Variants in SPOCK3 observed in about 807,000 individuals in gnomAD.
SPOCK3 encodes testican-3.
Under a neutral mutation model 56.6 loss-of-function variants are expected in SPOCK3, and 30 were observed. The observed-to-expected ratio is 0.53, with a 90% CI of 0.40 to 0.72. SPOCK3 has a LOEUF of 0.72. Among genes scored for constraint, SPOCK3 ranks in the 30% least tolerant of loss-of-function variants. SPOCK3 has a pLI of 0.00. For synonymous variants in SPOCK3, 196 were observed against 183.3 expected (o/e 1.07, Z -0.56); for missense variants, 527 against 530.0 (o/e 0.99, Z 0.06).
chr4:166,813,884 A>C (rs759876206), intron 6 of SPOCK3, among the ~76,000 whole-genome samples: 3 of 152,096 alleles, frequency 2.0e-5, no homozygotes, highest in Non-Finnish European at 4.4e-5. Context: ...TGAGGCACTA[A>C]GGAGGATAAG....
chr4:166,831,339 G>A (rs578018874), intron 6 of SPOCK3, among the ~76,000 whole-genome samples: 1 of 152,236 alleles, frequency 6.6e-6, no homozygotes, highest in South Asian at 2.1e-4. Context: ...CAAATTTGGG[G>A]TAGAAACTGG....
At chr4:167,071,453 A>G (rs1176455455) in intron 2 of SPOCK3, among the ~76,000 whole-genome samples, 1 of 146,600 alleles carries the variant, frequency 6.8e-6, no homozygotes, top group Non-Finnish European at 1.5e-5. Flanking sequence ...ATGTGTTCTC[A>G]TTGTTCAATT....
intron 4 of SPOCK3, among the ~76,000 whole-genome samples, chr4:166,914,844 T>C (rs1014951927): frequency 1.3e-5 from 2 of 152,228 alleles, no homozygotes; most frequent in Admixed American, 1.3e-4. Context: ...AATTGTAATG[T>C]ACTTGTAAAA....
Position 166,919,436 on chromosome 4 carries a change from C to G in SPOCK3, c.351-6693G>C, listed in dbSNP as rs144340491. 3.9e-3 allele frequency among the ~76,000 whole-genome samples: 593 copies of G among 152,224 alleles called. 4 individuals are homozygous for G. The highest frequency in any genetic ancestry group is 0.014 in the African/African-American group (579 of 41,548). ...TGGGCATATTCATAATTACTGAAGG[C>G]ATCAATAAACTCTTTCAAAATTTCA... On this transcript the variant is annotated intron_variant, in intron 4 of 10. Coordinates refer to ENST00000357545, the MANE Select transcript of SPOCK3 (RefSeq NM_001040159.2).
intron 2 of SPOCK3, among the ~76,000 whole-genome samples, chr4:167,136,605 T>C (rs986339310): frequency 6.6e-6 from 1 of 152,194 alleles, no homozygotes; most frequent in Non-Finnish European, 1.5e-5. Flanking sequence ...CTGATTATTG[T>C]TGCAGTTTAT....
chr4:167,223,922 C>G (rs535963437), intron 2 of SPOCK3, among the ~76,000 whole-genome samples: 126 of 152,106 alleles, frequency 8.3e-4, no homozygotes, highest in African/African-American at 2.8e-3. Flanking sequence ...ATTTTTAGTA[C>G]TTACCTCATT....
chr4:167,099,048 T>A (rs1290328769), intron 2 of SPOCK3, among the ~76,000 whole-genome samples: 4 of 152,040 alleles, frequency 2.6e-5, no homozygotes, highest in Admixed American at 1.3e-4. Context: ...GGGCACCAAG[T>A]ACAGTAAGTC....
intron 6 of SPOCK3, among the ~76,000 whole-genome samples, chr4:166,862,376 A>C (rs1560944794): frequency 6.6e-6 from 1 of 152,094 alleles, no homozygotes; most frequent in Non-Finnish European, 1.5e-5. Flanking sequence ...TAGCAAATTG[A>C]ATAAAAAGTA....
At chr4:166,921,323 ATTT>A (rs746455090) in intron 4 of SPOCK3, among the ~76,000 whole-genome samples, 5 of 138,202 alleles carry the variant, frequency 3.6e-5, no homozygotes, top group African/African-American at 7.9e-5. Context: ...CATGTGTTGA[ATTT>A]TTTTTTTTTT....
intron 2 of SPOCK3, among the ~76,000 whole-genome samples, chr4:167,233,326 T>C (rs1197667436): frequency 2.6e-5 from 4 of 152,164 alleles, no homozygotes; most frequent in Admixed American, 2.6e-4. Context: ...TCACCTGCAA[T>C]CCTCCCGCCC....
chr4:167,058,136 G>A (rs1755117203), intron 3 of SPOCK3, among the ~76,000 whole-genome samples: 1 of 152,128 alleles, frequency 6.6e-6, no homozygotes, highest in South Asian at 2.1e-4. Context: ...CATAGTGTTG[G>A]AAGTTCTGGC....
At position 166,876,568 on chromosome 4, in the gene SPOCK3, T is replaced by C. The variant is rs1256267080; in HGVS notation, c.589+12562A>G. 5.3e-5 allele frequency among the ~76,000 whole-genome samples: 8 copies of C among 152,180 alleles called. No homozygotes were observed. The East Asian group carries it at 1.4e-3, about 26-fold the overall frequency. ...AATGTTGAATAGATGATCCATCAGG[T>C]CTTGGCATTCTAGTTTTATTGGCAC... On this transcript the variant is annotated intron_variant, in intron 6 of 10. Transcript: ENST00000357545.
chr4:167,178,911 A>T (rs1452221114), intron 2 of SPOCK3, among the ~76,000 whole-genome samples: 1 of 152,166 alleles, frequency 6.6e-6, no homozygotes, highest in Non-Finnish European at 1.5e-5. Context: ...TGGTTTTAAA[A>T]TGACAATTTT....
chr4:166,994,704 C>T (rs144217061), intron 4 of SPOCK3, among the ~76,000 whole-genome samples: 147 of 152,214 alleles, frequency 9.7e-4, no homozygotes, highest in Non-Finnish European at 1.5e-3. Context: ...GAGAAACATG[C>T]TTTCTGTTTT....
Position 167,051,996 on chromosome 4 carries a change from C to A in SPOCK3, c.235+10496G>T, listed in dbSNP as rs148289205. On this transcript the variant is annotated intron_variant, in intron 3 of 10. Transcript: ENST00000357545. Reference sequence around the variant, plus strand: ...AAAATAGATATAATTTGCCTTCTTGCACACCTATGTAGGCTAATGTGATAT... The same window carrying A: ...AAAATAGATATAATTTGCCTTCTTGAACACCTATGTAGGCTAATGTGATAT... 1.4e-4 allele frequency among the ~76,000 whole-genome samples: 21 copies of A among 152,272 alleles called. No homozygotes were observed. The East Asian group carries it at 4.1e-3, about 29-fold the overall frequency.
chr4:167,044,204 T>C (rs1195783063), intron 3 of SPOCK3, among the ~76,000 whole-genome samples: 2 of 152,058 alleles, frequency 1.3e-5, no homozygotes, highest in Non-Finnish European at 2.9e-5. Context: ...GTCCATTTCA[T>C]CTAAGTTACC....
intron 4 of SPOCK3, among the ~76,000 whole-genome samples, chr4:166,980,843 G>A (rs1171223950): frequency 6.6e-6 from 1 of 152,188 alleles, no homozygotes; most frequent in East Asian, 1.9e-4. Context: ...CCCTGCTTGG[G>A]AGGCCCCTAA....
intron 8 of SPOCK3, 48 bp from the exon 9 acceptor site, chr4:166,742,107 GA>G (rs750167649): frequency 7.3e-7 from 1 of 1,368,820 alleles, no homozygotes; most frequent in South Asian, 1.2e-5. Context: ...GTTAAACAAA[GA>G]AAGTGTAATT....
intron 2 of SPOCK3, among the ~76,000 whole-genome samples, chr4:167,159,896 T>A (rs1189784409): frequency 6.6e-6 from 1 of 152,138 alleles, no homozygotes; most frequent in Non-Finnish European, 1.5e-5. Flanking sequence ...TATCTCAAAA[T>A]AATAAGAGCT....
Sources: gnomAD v4.1 joint callset for allele counts (sites outside exome capture counted in the v4.1 genomes callset) on GRCh38, gnomAD v4.1.1 for gene constraint, MANE v1.5 for transcripts, NCBI Gene and HGNC (gene_info 2026-07-23, HGNC 2026-07-21) for gene names.